The following PARD3 variants were observed in gnomAD, a reference collection of about 807,000 sequenced individuals.
The protein encoded by PARD3 is par-3 family cell polarity regulator.
Under a neutral mutation model 155.4 loss-of-function variants are expected in PARD3, and 75 were observed. The observed-to-expected ratio is 0.48, with a 90% CI of 0.40 to 0.58. The LOEUF is 0.58. Ranked by LOEUF, PARD3 falls within the 20% of genes least tolerant of loss-of-function variation. The pLI is 0.00. For synonymous variants in PARD3, 576 were observed against 610.5 expected, an observed-to-expected ratio of 0.94 and a Z score of 0.83; for missense variants, 1,642 against 1,721.7, an observed-to-expected ratio of 0.95 and a Z score of 0.82.
chr10:34,661,540 T>A lies in PARD3; in HGVS notation c.222+34778A>T, dbSNP rs548117439. Among the ~76,000 whole-genome samples the A allele has an allele frequency of 5.3e-5, 8 of 152,298 alleles. No homozygotes were observed. The South Asian group carries it at 1.7e-3, about 32-fold the overall frequency. On this transcript the variant is annotated intron_variant, in intron 2 of 24. Transcript: ENST00000374788. ...CTGGGAGGGGAAAAACGGGCAAATC[T>A]ATTTTCTACGGAGGTTAGAAAAAGC...
At chr10:34,283,651 A>G (rs1361500725) in intron 21 of PARD3, among the ~76,000 whole-genome samples, 1 of 152,170 alleles carries the variant, frequency 6.6e-6, no homozygotes, top group Non-Finnish European at 1.5e-5. Flanking sequence ...GAATCAAGAA[A>G]TAAGTGTCAG....
chr10:34,414,662 A>C (rs1011978898), intron 5 of PARD3, among the ~76,000 whole-genome samples: 1 of 152,080 alleles, frequency 6.6e-6, no homozygotes, highest in Non-Finnish European at 1.5e-5. Flanking sequence ...TAAAAAAAAA[A>C]ATTAAAAGAA....
At chr10:34,550,167 G>A (rs2133960330) in intron 2 of PARD3, among the ~76,000 whole-genome samples, 1 of 152,342 alleles carries the variant, frequency 6.6e-6, no homozygotes, top group Non-Finnish European at 1.5e-5. Context: ...CATGCATGGT[G>A]AGGAGGACAC....
chr10:34,345,457 C>T, intron 15 of PARD3: 8 of 984,574 alleles, frequency 8.1e-6, no homozygotes, highest in Non-Finnish European at 9.6e-6. Context: ...CCTTTTGTAT[C>T]ATAGCAGATC....
intron 2 of PARD3, among the ~76,000 whole-genome samples, chr10:34,644,236 G>A (rs2092766412): frequency 6.6e-6 from 1 of 152,146 alleles, no homozygotes; most frequent in African/African-American, 2.4e-5. Flanking sequence ...TGCAGCCCAG[G>A]GGAGACATCT....
chr10:34,149,830 GT>G (rs1473851935), intron 22 of PARD3, among the ~76,000 whole-genome samples: 1 of 152,106 alleles, frequency 6.6e-6, no homozygotes, highest in Non-Finnish European at 1.5e-5. Context: ...AGGATTTGAT[GT>G]TGTTCTTTTT....
chr10:34,607,367 G>A (rs1363112323), intron 2 of PARD3, among the ~76,000 whole-genome samples: 4 of 152,182 alleles, frequency 2.6e-5, no homozygotes, highest in Admixed American at 6.5e-5. Flanking sequence ...ACCTCCTCAA[G>A]ATGAGGCTTA....
intron 2 of PARD3, among the ~76,000 whole-genome samples, chr10:34,672,070 A>C (rs900174011): frequency 1.1e-4 from 17 of 152,068 alleles, no homozygotes; most frequent in African/African-American, 4.1e-4. Context: ...TGGGAGACTG[A>C]GGCAGAAGGA....
chr10:34,337,327 G>T lies in PARD3; in HGVS notation c.2508C>A (p.Ala836=), dbSNP rs776675449. 1.2e-6 allele frequency: 2 copies of T among 1,601,158 alleles called. No individual in the cohort carries two copies. The highest frequency in any genetic ancestry group is 2.2e-5 in the South Asian group (2 of 89,362). ...SEKRTKQFSD[A]SQLDFVKTRK... ...GTGTTTTAACGAAATCCAATTGACT[G>T]GCATCTGAAAATTGCTTTGTGCGTT... The change falls in exon 17 of 25, where the codon GCC becomes GCA. Residue 836 remains alanine (A), a synonymous_variant. Transcript: ENST00000374788.
At chr10:34,552,701 C>A (rs979145600) in intron 2 of PARD3, among the ~76,000 whole-genome samples, 4 of 138,060 alleles carry the variant, frequency 2.9e-5, no homozygotes, top group African/African-American at 8.8e-5. Flanking sequence ...GCAACAAGAA[C>A]AAAACTCCAT....
chr10:34,665,606 G>A (rs990177006), intron 2 of PARD3, among the ~76,000 whole-genome samples: 28 of 152,106 alleles, frequency 1.8e-4, no homozygotes, highest in African/African-American at 4.6e-4. Context: ...TTGGGATGGC[G>A]AGGCAGGCGG....
intron 22 of PARD3, among the ~76,000 whole-genome samples, chr10:34,223,308 G>A (rs1952413233): frequency 1.3e-5 from 2 of 152,162 alleles, no homozygotes; most frequent in Non-Finnish European, 1.5e-5. Flanking sequence ...GAGAATGAAC[G>A]TTCCAGGTGA....
Position 34,762,469 on chromosome 10 carries a change from C to CT in PARD3, c.120+52406dup, listed in dbSNP as rs72049773. On this transcript the variant is annotated intron_variant, in intron 1 of 24. Coordinates refer to ENST00000374788, the MANE Select transcript of PARD3 (RefSeq NM_001184785.2). ...CACAGACACATGCCACCATGCCTGA[C>CT]TTTTTTTTTTTTTTTTTTTTGTAGA... Among the ~76,000 whole-genome samples, 617 of 98,656 alleles carry CT rather than the reference C, an allele frequency of 6.3e-3. 16 individuals are homozygous for CT. The highest frequency in any genetic ancestry group is 0.02 in the African/African-American group (513 of 25,914). 64.7% of individuals were successfully genotyped at this position (98,656 alleles called of 152,430 possible). A position where few individuals can be genotyped will look rare whatever the true frequency, so the allele number is the denominator to read the frequency against.
intron 1 of PARD3, among the ~76,000 whole-genome samples, chr10:34,807,356 T>A (rs1054061603): frequency 2.6e-5 from 4 of 152,268 alleles, no homozygotes; most frequent in African/African-American, 9.6e-5. Context: ...TAGTGGCTTA[T>A]GCAGTCTATT....
At chr10:34,188,921 G>A (rs1402167441) in intron 22 of PARD3, among the ~76,000 whole-genome samples, 1 of 152,102 alleles carries the variant, frequency 6.6e-6, no homozygotes, top group Non-Finnish European at 1.5e-5. Flanking sequence ...GGTATGAGGG[G>A]CCTCTGCTTC....
At chr10:34,643,522 T>A (rs992737471) in intron 2 of PARD3, among the ~76,000 whole-genome samples, 2 of 152,274 alleles carry the variant, frequency 1.3e-5, no homozygotes, top group African/African-American at 4.8e-5. Flanking sequence ...CAAGGCCTTC[T>A]GTAATTGTTA....
At chr10:34,769,939 G>A (rs1225238279) in intron 1 of PARD3, among the ~76,000 whole-genome samples, 3 of 152,020 alleles carry the variant, frequency 2.0e-5, no homozygotes, top group Non-Finnish European at 4.4e-5. Flanking sequence ...AATTCAGAAT[G>A]TGGGGTTCCC....
intron 22 of PARD3, among the ~76,000 whole-genome samples, chr10:34,230,477 A>G (rs998879182): frequency 1.3e-5 from 2 of 152,132 alleles, no homozygotes; most frequent in African/African-American, 4.8e-5. Context: ...ATATCTAGAG[A>G]AGAAATAGAC....
chr10:34,499,622 TTTTATA>T, intron 3 of PARD3, among the ~76,000 whole-genome samples: 1 of 152,220 alleles, frequency 6.6e-6, no homozygotes, highest in Non-Finnish European at 1.5e-5. Context: ...TCTGTTGAAA[TTTTATA>T]TTTATAACAT....
Sources: gnomAD v4.1 joint callset for allele counts (sites outside exome capture counted in the v4.1 genomes callset) on GRCh38, gnomAD v4.1.1 for gene constraint, MANE v1.5 for transcripts, NCBI Gene and HGNC (gene_info 2026-07-23, HGNC 2026-07-21) for gene names.